The following TFDP2 variants were observed in gnomAD, a reference collection of about 807,000 sequenced individuals.
TFDP2 encodes transcription factor Dp-2 (E2F dimerization partner 2).
In TFDP2, 17 loss-of-function variants were observed where a neutral mutation model predicts 59.3. The ratio of observed to expected loss-of-function variants is 0.29; its 90% CI spans 0.20 to 0.43. The LOEUF (loss-of-function observed/expected upper bound fraction) is 0.43, where lower values mean the gene tolerates loss of function less well. Ranked by LOEUF, TFDP2 falls within the 20% of genes least tolerant of loss-of-function variation. The probability of loss-of-function intolerance (pLI) is 1.00; values close to 1 mark genes in which losing one functional copy is unlikely to be tolerated. For missense variants in TFDP2, 391 were observed against 528.8 expected (o/e 0.74, Z 2.56); for synonymous variants, 180 against 194.7 (o/e 0.92, Z 0.63).
At chr3:142,055,390 T>C (rs960242887) in intron 3 of TFDP2, among the ~76,000 whole-genome samples, 1 of 152,162 alleles carries the variant, frequency 6.6e-6, no homozygotes, top group African/African-American at 2.4e-5. Flanking sequence ...GGAAGCTTCA[T>C]TAGGGATTTG....
chr3:142,023,122 CAAAAAAA>C (rs765096570), intron 3 of TFDP2, among the ~76,000 whole-genome samples: 13 of 59,602 alleles, frequency 2.2e-4, no homozygotes, highest in South Asian at 1.6e-3. Flanking sequence ...CCCTCCGTCT[CAAAAAAA>C]AAAAAAAAAA....
chr3:142,094,653 C>A (rs1475102788), intron 2 of TFDP2, among the ~76,000 whole-genome samples: 1 of 151,954 alleles, frequency 6.6e-6, no homozygotes, highest in African/African-American at 2.4e-5. Flanking sequence ...ATTTTTTAAC[C>A]CCTTTACTGA....
intron 8 of TFDP2, among the ~76,000 whole-genome samples, chr3:141,973,683 C>CT (rs200088518): frequency 0.027 from 3,528 of 132,572 alleles, 140 homozygotes; most frequent in African/African-American, 0.084. Flanking sequence ...CGGCTTGATC[C>CT]TTTTTTTTTT....
At chr3:142,136,793 C>T (rs934593871) in intron 1 of TFDP2, among the ~76,000 whole-genome samples, 1 of 151,900 alleles carries the variant, frequency 6.6e-6, no homozygotes, top group African/African-American at 2.4e-5. Context: ...GTTTTGGTTA[C>T]TTGTAGTATA....
chr3:142,101,590 A>T, intron 2 of TFDP2, 145 bp downstream of exon 2: 1 of 520,084 alleles, frequency 1.9e-6, no homozygotes, highest in Non-Finnish European at 3.2e-6. Context: ...AGCTTATCTC[A>T]TATTCTGCAT....
intron 3 of TFDP2, among the ~76,000 whole-genome samples, chr3:142,015,195 A>G (rs181496641): frequency 6.6e-6 from 1 of 152,036 alleles, no homozygotes; most frequent in East Asian, 1.9e-4. Flanking sequence ...TGGTCCTCCA[A>G]TCTCTTGTCT....
chr3:142,024,988 C>G (rs960652222), intron 3 of TFDP2, among the ~76,000 whole-genome samples: 1 of 150,624 alleles, frequency 6.6e-6, no homozygotes, highest in Non-Finnish European at 1.5e-5. Flanking sequence ...CCACTGCACT[C>G]CAGCCCAGGC....
chr3:142,142,032 C>T (rs2062979819), intron 1 of TFDP2, among the ~76,000 whole-genome samples: 2 of 152,144 alleles, frequency 1.3e-5, no homozygotes, highest in African/African-American at 4.8e-5. Context: ...CCTCAAAGAT[C>T]TGAAACATGA....
intron 6 of TFDP2, among the ~76,000 whole-genome samples, chr3:141,979,841 G>A (rs1199621976): frequency 3.3e-5 from 5 of 151,614 alleles, no homozygotes; most frequent in African/African-American, 1.2e-4. Flanking sequence ...TGCCTGCCTC[G>A]GCCTCCCAAA....
chr3:141,977,117 T>A (rs1409910930), intron 7 of TFDP2, among the ~76,000 whole-genome samples: 27 of 107,276 alleles, frequency 2.5e-4, no homozygotes, highest in African/African-American at 9.6e-4. Flanking sequence ...TTTTTTTTTT[T>A]TTTTTTTTTT....
At chr3:142,044,226 GTTTTTTTTT>G (rs142598439) in intron 3 of TFDP2, 24 of 118,260 alleles carry the variant, frequency 2.0e-4, no homozygotes, top group East Asian at 1.3e-3. Context: ...CAGCAAAAGG[GTTTTTTTTT>G]TTTTTTTTTT....
At chr3:142,035,671 A>T (rs1312771055) in intron 3 of TFDP2, among the ~76,000 whole-genome samples, 1 of 152,174 alleles carries the variant, frequency 6.6e-6, no homozygotes, top group African/African-American at 2.4e-5. Flanking sequence ...ACCTGGTGGT[A>T]GGTAATTGAA....
At chr3:142,142,352 A>T (rs962204438) in intron 1 of TFDP2, among the ~76,000 whole-genome samples, 1 of 152,258 alleles carries the variant, frequency 6.6e-6, no homozygotes, top group Non-Finnish European at 1.5e-5. Flanking sequence ...AACTCCATTT[A>T]CAACAGCCAC....
Position 142,026,824 on chromosome 3 carries a change from T to G in TFDP2, c.83-21280A>C, listed in dbSNP as rs1441837973. ...TCCACACTCTTCATTCCTACTCTTT[T>G]CAGCAGATAAACATTCTCCTCTTTC... On this transcript the variant is annotated intron_variant, in intron 3 of 12. Coordinates refer to ENST00000489671, the MANE Select transcript of TFDP2 (RefSeq NM_001178139.2). Among the ~76,000 whole-genome samples, 84 of 152,234 alleles carry G rather than the reference T, an allele frequency of 5.5e-4. 2 individuals are homozygous for G.
At chr3:142,004,114 T>C (rs1944035717) in intron 4 of TFDP2, among the ~76,000 whole-genome samples, 1 of 152,188 alleles carries the variant, frequency 6.6e-6, no homozygotes, top group South Asian at 2.1e-4. Flanking sequence ...TCTGAAAATA[T>C]AACCTGAGCT....
intron 2 of TFDP2, among the ~76,000 whole-genome samples, chr3:142,096,628 A>G (rs1157102260): frequency 1.3e-5 from 2 of 152,216 alleles, no homozygotes; most frequent in Non-Finnish European, 2.9e-5. Context: ...TGTGTACTAT[A>G]TAACCAGTCA....
intron 2 of TFDP2, among the ~76,000 whole-genome samples, chr3:142,097,560 C>G (rs767523682): frequency 1.3e-5 from 2 of 152,018 alleles, no homozygotes; most frequent in South Asian, 4.2e-4. Flanking sequence ...GGGCAAGGTG[C>G]CTGTAGTTCC....
chr3:142,109,388 G>A (rs1291574714), intron 1 of TFDP2, among the ~76,000 whole-genome samples: 1 of 151,640 alleles, frequency 6.6e-6, no homozygotes, highest in Non-Finnish European at 1.5e-5. Context: ...GAGGGCAACG[G>A]TGCGATCTCG....
intron 2 of TFDP2, among the ~76,000 whole-genome samples, chr3:142,097,343 C>T (rs1411192068): frequency 6.6e-6 from 1 of 152,104 alleles, no homozygotes; most frequent in African/African-American, 2.4e-5. Flanking sequence ...GCAGAAGTAA[C>T]TTAATGGTCA....
Sources: allele counts gnomAD v4.1 joint callset (sites outside exome capture counted in the v4.1 genomes callset), GRCh38; gene constraint gnomAD v4.1.1; transcripts MANE v1.5; gene names NCBI Gene and HGNC (gene_info 2026-07-23, HGNC 2026-07-21).